SLC31A2: variants seen among roughly 807,000 people sequenced by gnomAD.
SLC31A2 encodes the protein protein SLC31A2.
A neutral mutation model predicts 14.4 loss-of-function variants in SLC31A2; 16 were observed. The ratio of observed to expected loss-of-function variants is 1.11; its 90% CI spans 0.75 to 1.69. The LOEUF (loss-of-function observed/expected upper bound fraction) is 1.69, where lower values mean the gene tolerates loss of function less well. Ranked by LOEUF, SLC31A2 falls within the 40% of genes most tolerant of loss-of-function variation. The pLI is 0.00. For synonymous variants in SLC31A2, 56 were observed against 68.7 expected (o/e 0.82, Z 0.91); for missense variants, 140 against 173.9 (o/e 0.81, Z 1.10).
In SLC31A2 at chr9:113,163,000, T is replaced by G; in HGVS notation, c.*83T>G. 1 of 1,264,382 alleles carries G rather than the reference T, an allele frequency of 7.9e-7. No individual in the cohort carries two copies. 78.3% of individuals were successfully genotyped at this position (1,264,382 alleles called of 1,614,324 possible). A position where few individuals can be genotyped will look rare whatever the true frequency, so the allele number is the denominator to read the frequency against. On this transcript the variant is annotated 3_prime_UTR_variant, in exon 4 of 4. Coordinates refer to ENST00000259392, the MANE Select transcript of SLC31A2 (RefSeq NM_001860.3). ...CACTATACTTCCAACTGCCCTTTCT[T>G]CTGATGGCTATTCCTCCACCTTATT...
At chr9:113,156,137 C>T (rs12003321) in intron 1 of SLC31A2, 11 of 518,300 alleles carry the variant, frequency 2.1e-5, no homozygotes, top group South Asian at 8.4e-5. Context: ...TTTCCACCCC[C>T]ACACTGACGT....
rs1829856291 is a variant in SLC31A2 at position 113,151,047 on chromosome 9, G to T, written c.-28G>T. 2.3e-6 allele frequency: 3 copies of T among 1,304,518 alleles called. No homozygotes were observed. In the Admixed American group the frequency reaches 1.0e-4, roughly 46 times the overall value. 80.8% of individuals were successfully genotyped at this position (1,304,518 alleles called of 1,614,324 possible). On this transcript the variant is annotated 5_prime_UTR_variant, in exon 1 of 4. Coordinates refer to ENST00000259392, the MANE Select transcript of SLC31A2 (RefSeq NM_001860.3). The surrounding 1 kb of genome is among the most constrained non-coding windows in gnomAD (Gnocchi z 4.2). Reference sequence around the variant, plus strand: ...GAGGAGACCCGAGCGAGCAGACGCGGCCCTGGCGCCCGCCCTGCGCACTCA... The same window carrying T: ...GAGGAGACCCGAGCGAGCAGACGCGTCCCTGGCGCCCGCCCTGCGCACTCA...
At chr9:113,152,024 G>C (rs1332674588) in intron 1 of SLC31A2, 1 of 152,328 alleles carries the variant, frequency 6.6e-6, no homozygotes, top group East Asian at 1.9e-4. Flanking sequence ...CTTTAAAAAG[G>C]GAAATAGATG....
chr9:113,159,167 G>A (rs946351442), intron 2 of SLC31A2, among the ~76,000 whole-genome samples: 1 of 152,138 alleles, frequency 6.6e-6, no homozygotes, highest in African/African-American at 2.4e-5. Flanking sequence ...TGGAGTCTCT[G>A]TCGCCCAGGC....
At chr9:113,161,478 C>G in intron 2 of SLC31A2, 31 bp from the exon 3 acceptor site, 1 of 1,608,678 alleles carries the variant, frequency 6.2e-7, no homozygotes, top group Non-Finnish European at 8.5e-7. Flanking sequence ...CTGGCCTGGC[C>G]AGGTCTCCAC....
Position 113,160,522 on chromosome 9 carries a change from A to C in SLC31A2, c.74-987A>C, listed in dbSNP as rs192404975. ...ACATTACAATTCTATTTTGAAATATACAATAAATTATGGTTAACTATAAAT... is the reference window on the plus strand; with the variant it reads ...ACATTACAATTCTATTTTGAAATATCCAATAAATTATGGTTAACTATAAAT... On this transcript the variant is annotated intron_variant, in intron 2 of 3. Coordinates refer to ENST00000259392, the MANE Select transcript of SLC31A2 (RefSeq NM_001860.3). Among the ~76,000 whole-genome samples, 35 of 152,376 alleles carry C rather than the reference A, an allele frequency of 2.3e-4. 1 individual carries two copies. Among genetic ancestry groups the C allele is most frequent in the Admixed American group, 2.1e-3 (32 of 15,304 alleles).
chr9:113,156,261 G>T, intron 1 of SLC31A2: 1 of 418,200 alleles, frequency 2.4e-6, no homozygotes, highest in Non-Finnish European at 4.9e-6. Flanking sequence ...AGAGTAACCC[G>T]CTTATAAGGA....
intron 2 of SLC31A2, among the ~76,000 whole-genome samples, chr9:113,159,095 G>C (rs1829972101): frequency 6.6e-6 from 1 of 152,154 alleles, no homozygotes; most frequent in South Asian, 2.1e-4. Flanking sequence ...GCTCTGGGGA[G>C]GAGAATTGGG....
intron 1 of SLC31A2, among the ~76,000 whole-genome samples, chr9:113,154,950 C>T (rs750388177): frequency 2.6e-5 from 4 of 152,222 alleles, no homozygotes; most frequent in Admixed American, 1.3e-4. Context: ...CATGACTATC[C>T]TAATTGCACA....
At position 113,162,928 on chromosome 9, in the gene SLC31A2, A is replaced by C; in HGVS notation, c.*11A>C. On this transcript the variant is annotated 3_prime_UTR_variant, in exon 4 of 4. Transcript: ENST00000259392. ...CTCAGCACAGCTTAGCTGGTGAGGA[A>C]CGTGCAGGCACTGAGGCTGGAGGGA... 1 of 1,589,882 alleles carries C rather than the reference A, an allele frequency of 6.3e-7. No homozygotes were observed. Among genetic ancestry groups the C allele is most frequent in the Non-Finnish European group, 8.6e-7 (1 of 1,167,940 alleles).
rs761883813 is a variant in SLC31A2 at position 113,163,960 on chromosome 9, C to G, written c.*1043C>G. 4 of 152,500 alleles carry G rather than the reference C, an allele frequency of 2.6e-5. No homozygotes were observed. Among genetic ancestry groups the G allele is most frequent in the Non-Finnish European group, 5.9e-5 (4 of 68,028 alleles). The allele number at this position is 152,500 out of a possible 1,614,324, so 9.4% of individuals were successfully genotyped here. On this transcript the variant is annotated 3_prime_UTR_variant, in exon 4 of 4. Transcript: ENST00000259392. ...AGATGCAATCCAACCAAAGCCATTA[C>G]ATTTTTTGAGTTAGATGGGACTCTC...
intron 3 of SLC31A2, chr9:113,162,160 T>G (rs1830023825): frequency 3.1e-6 from 1 of 320,182 alleles, no homozygotes; most frequent in South Asian, 2.7e-5. Context: ...TGTTCTGCCC[T>G]CTGTCCAGCC....
intron 1 of SLC31A2, chr9:113,156,020 G>C (rs1271165722): frequency 1.9e-6 from 1 of 518,742 alleles, no homozygotes; most frequent in Non-Finnish European, 3.8e-6. Flanking sequence ...GTGGTTTAGG[G>C]CTGTCGTCTG....
chr9:113,162,430 A>T, intron 3 of SLC31A2: 1 of 238,320 alleles, frequency 4.2e-6, no homozygotes, highest in Admixed American at 5.5e-5. Context: ...TTCAGGGGGG[A>T]AATATGCCTT....
chr9:113,160,075 G>T (rs950378036), intron 2 of SLC31A2, among the ~76,000 whole-genome samples: 6 of 152,162 alleles, frequency 3.9e-5, no homozygotes, highest in African/African-American at 1.4e-4. Context: ...TACTTGGGAG[G>T]CTGAGGCAAG....
rs1208463076 is a variant in SLC31A2 at position 113,163,828 on chromosome 9, C to CTT, written c.*912_*913dup. 1 of 152,634 alleles carries CTT rather than the reference C, an allele frequency of 6.6e-6. No individual in the cohort carries two copies. The highest frequency in any genetic ancestry group is 2.4e-5 in the African/African-American group (1 of 41,440). The allele number at this position is 152,634 out of a possible 1,614,324, so 9.5% of individuals were successfully genotyped here. On this transcript the variant is annotated 3_prime_UTR_variant, in exon 4 of 4. Coordinates refer to ENST00000259392, the MANE Select transcript of SLC31A2 (RefSeq NM_001860.3). ...AAGCTGCATCTAATAATGTTCAATACTTAATATTCTCTATTTATTACTTAC... is the reference window on the plus strand; with the variant it reads ...AAGCTGCATCTAATAATGTTCAATACTTTTAATATTCTCTATTTATTACTTAC...
chr9:113,160,118 C>T (rs1216126035), intron 2 of SLC31A2, among the ~76,000 whole-genome samples: 1 of 152,084 alleles, frequency 6.6e-6, no homozygotes, highest in Non-Finnish European at 1.5e-5. Context: ...AAGATAATTG[C>T]TTGAATCCAG....
chr9:113,153,733 C>T (rs1829899240), intron 1 of SLC31A2, among the ~76,000 whole-genome samples: 1 of 152,164 alleles, frequency 6.6e-6, no homozygotes. Context: ...TTTCACATTT[C>T]TTTCTCTGTC....
chr9:113,161,080 T>G (rs1455121967), intron 2 of SLC31A2: 1 of 156,232 alleles, frequency 6.4e-6, no homozygotes, highest in African/African-American at 2.4e-5. Context: ...CCTTAGAAAG[T>G]TAGGCAAGAA....
Sources: allele counts gnomAD v4.1 joint callset (sites outside exome capture counted in the v4.1 genomes callset), GRCh38; gene constraint gnomAD v4.1.1; non-coding constraint Gnocchi (gnomAD v3.1); transcripts MANE v1.5; gene names NCBI Gene and HGNC (gene_info 2026-07-23, HGNC 2026-07-21).